The following PRKCE variants were observed in gnomAD, a reference collection of about 807,000 sequenced individuals.
The protein encoded by PRKCE is protein kinase C epsilon, also known as protein kinase C epsilon type.
In PRKCE, 16 loss-of-function variants were observed where a neutral mutation model predicts 85.4. The observed-to-expected ratio is 0.19, with a 90% CI of 0.13 to 0.28. The LOEUF is 0.28. PRKCE is among the 10% of genes least tolerant of loss of function. The pLI is 1.00. For synonymous variants in PRKCE, 388 were observed against 371.5 expected, an observed-to-expected ratio of 1.04 and a Z score of -0.51; for missense variants, 573 against 975.2, an observed-to-expected ratio of 0.59 and a Z score of 5.49.
chr2:45,746,766 T>C (rs905560298), intron 1 of PRKCE, among the ~76,000 whole-genome samples: 1 of 152,222 alleles, frequency 6.6e-6, no homozygotes, highest in South Asian at 2.1e-4. Context: ...CATTCAAGAC[T>C]GCTTGACACA....
In PRKCE at chr2:45,954,277, T is replaced by C. The variant is rs557542888; in HGVS notation, c.413-22152T>C. 3.3e-5 allele frequency among the ~76,000 whole-genome samples: 5 copies of C among 152,336 alleles called. No homozygotes were observed. In the South Asian group the frequency reaches 1.0e-3, roughly 32 times the overall value. Reference sequence around the variant, plus strand: ...AGCCAAATGACAGCTAATGGCTTCCTTATCACTAAATATTGGAGTCAAAAG... The same window carrying C: ...AGCCAAATGACAGCTAATGGCTTCCCTATCACTAAATATTGGAGTCAAAAG... On this transcript the variant is annotated intron_variant, in intron 2 of 14. Transcript: ENST00000306156.
intron 2 of PRKCE, among the ~76,000 whole-genome samples, chr2:45,937,403 A>G (rs911086908): frequency 1.2e-4 from 18 of 152,112 alleles, no homozygotes; most frequent in African/African-American, 3.6e-4. Flanking sequence ...ATTTTTGACA[A>G]TTTGGTTTTA....
At chr2:45,873,177 C>G (rs1351691802) in intron 2 of PRKCE, among the ~76,000 whole-genome samples, 1 of 152,218 alleles carries the variant, frequency 6.6e-6, no homozygotes, top group African/African-American at 2.4e-5. Flanking sequence ...TCCTAGTCTT[C>G]CAGCCTAATT....
chr2:46,000,554 T>C (rs996058630), intron 6 of PRKCE, among the ~76,000 whole-genome samples: 2 of 152,078 alleles, frequency 1.3e-5, no homozygotes, highest in African/African-American at 4.8e-5. Context: ...TTTTAAAAAA[T>C]GGTTCTCTCC....
chr2:46,100,500 C>T (rs746190833), intron 11 of PRKCE, among the ~76,000 whole-genome samples: 78 of 152,336 alleles, frequency 5.1e-4, no homozygotes, highest in Non-Finnish European at 1.0e-3. Flanking sequence ...GGGATGCTTG[C>T]TCAGAAGTCC....
intron 10 of PRKCE, among the ~76,000 whole-genome samples, chr2:46,015,055 G>A (rs937039699): frequency 2.0e-5 from 3 of 152,194 alleles, no homozygotes; most frequent in African/African-American, 4.8e-5. Flanking sequence ...TATCGGTAGA[G>A]GAGGGAGGTA....
chr2:46,037,531 C>T (rs779601866), intron 10 of PRKCE, among the ~76,000 whole-genome samples: 1 of 152,192 alleles, frequency 6.6e-6, no homozygotes, highest in African/African-American at 2.4e-5. Context: ...CGAACGCTTC[C>T]ATCCCCAGGT....
chr2:45,721,853 G>A (rs1185344322), intron 1 of PRKCE, among the ~76,000 whole-genome samples: 6 of 150,994 alleles, frequency 4.0e-5, no homozygotes, highest in Non-Finnish European at 7.4e-5. Flanking sequence ...CTGCAGCTGC[G>A]GTGATGGAGA....
intron 13 of PRKCE, among the ~76,000 whole-genome samples, chr2:46,154,053 G>A (rs1331497251): frequency 6.6e-6 from 1 of 152,168 alleles, no homozygotes. Context: ...ACAAAGTGCT[G>A]GGATTACAGG....
intron 2 of PRKCE, among the ~76,000 whole-genome samples, chr2:45,890,749 T>G (rs1309657433): frequency 6.6e-6 from 1 of 152,190 alleles, no homozygotes; most frequent in Non-Finnish European, 1.5e-5. Context: ...GATTTTTGCC[T>G]AGAATGAATA....
chr2:46,130,922 C>A (rs150385696), intron 11 of PRKCE, among the ~76,000 whole-genome samples: 1 of 152,346 alleles, frequency 6.6e-6, no homozygotes, highest in African/African-American at 2.4e-5. Context: ...TGACCTGAAT[C>A]ATAATTGAGA....
intron 14 of PRKCE, among the ~76,000 whole-genome samples, chr2:46,166,527 G>A (rs1010566402): frequency 6.6e-5 from 10 of 152,248 alleles, no homozygotes; most frequent in African/African-American, 2.4e-4. Context: ...GCATGGTACA[G>A]TGGACAGGAT....
Position 46,159,832 on chromosome 2 carries a change from A to T in PRKCE, c.2067+80A>T. On this transcript the variant is annotated intron_variant, in intron 14 of 14. Coordinates refer to ENST00000306156, the MANE Select transcript of PRKCE (RefSeq NM_005400.3). This position sits in a 1 kb window ranked among gnomAD's most constrained non-coding sequence, Gnocchi z 4.1. ...GGACAGGCTGCGTGCACCCAGGAAG[A>T]GTTGGTCAGGGGATGCGTATTACAG... 6.4e-7 allele frequency: 1 copy of T among 1,556,942 alleles called. No individual in the cohort carries two copies. Among genetic ancestry groups the T allele is most frequent in the Non-Finnish European group, 8.7e-7 (1 of 1,154,756 alleles).
rs188515971 is a variant in PRKCE, at chr2:46,155,377, C to T, written c.1920+4148C>T. Among the ~76,000 whole-genome samples, 208 of 152,246 alleles carry T rather than the reference C, an allele frequency of 1.4e-3. No homozygotes were observed. The highest frequency in any genetic ancestry group is 4.7e-3 in the African/African-American group (195 of 41,538). On this transcript the variant is annotated intron_variant, in intron 13 of 14. Transcript: ENST00000306156. This position sits in a 1 kb window ranked among gnomAD's most constrained non-coding sequence, Gnocchi z 4.7. ...GTGTCACTCGCGGGCCCCTGTTCGG[C>T]TCCTTCATGAATGGATTCTGGTCAC...
chr2:45,996,596 A>AT (rs1248953712), intron 6 of PRKCE, among the ~76,000 whole-genome samples: 8 of 81,184 alleles, frequency 9.9e-5, no homozygotes, highest in Admixed American at 7.8e-4. Flanking sequence ...GAATTATTTG[A>AT]TTTTTTTTCT....
chr2:45,899,841 G>A (rs1696442237), intron 2 of PRKCE, among the ~76,000 whole-genome samples: 4 of 152,340 alleles, frequency 2.6e-5, no homozygotes, highest in Middle Eastern at 3.4e-3. Context: ...ACACCACCTG[G>A]GGAGAAAGCC....
In PRKCE at chr2:45,752,002, A is replaced by G. The variant is rs1233567692; in HGVS notation, c.349-90998A>G. ...CCGGCTAATTTTTTGTATTTTTAGT[A>G]GAGACGGGGTTTCACCGTTTTAGCC... On this transcript the variant is annotated intron_variant, in intron 1 of 14. Transcript: ENST00000306156. Among the ~76,000 whole-genome samples, 6 of 149,042 alleles carry G rather than the reference A, an allele frequency of 4.0e-5. No individual in the cohort carries two copies. In the East Asian group the frequency reaches 1.2e-3, roughly 29 times the overall value.
chr2:46,077,185 A>G (rs990957089), intron 10 of PRKCE, among the ~76,000 whole-genome samples: 112 of 150,172 alleles, frequency 7.5e-4, no homozygotes, highest in Non-Finnish European at 1.1e-3. Flanking sequence ...ACACACACAC[A>G]CACGCACGCG....
intron 2 of PRKCE, among the ~76,000 whole-genome samples, chr2:45,956,963 T>C (rs1289608849): frequency 6.6e-6 from 1 of 151,926 alleles, no homozygotes; most frequent in Non-Finnish European, 1.5e-5. Flanking sequence ...GTTGTTCACA[T>C]TTTTAGCTCA....
Sources: allele counts gnomAD v4.1 joint callset (sites outside exome capture counted in the v4.1 genomes callset), GRCh38; gene constraint gnomAD v4.1.1; non-coding constraint Gnocchi (gnomAD v3.1); transcripts MANE v1.5; gene names NCBI Gene and HGNC (gene_info 2026-07-23, HGNC 2026-07-21).